The following UBE2W variants were observed in gnomAD, a reference collection of about 807,000 sequenced individuals.
The protein encoded by UBE2W is ubiquitin conjugating enzyme E2 W.
UBE2W carries 18 observed loss-of-function variants against 27.2 expected under a neutral mutation model. The observed-to-expected ratio is 0.66, with a 90% CI of 0.46 to 0.98. The LOEUF (loss-of-function observed/expected upper bound fraction) is 0.98. Ranked by LOEUF, UBE2W falls within the 50% of genes least tolerant of loss-of-function variation. The probability of loss-of-function intolerance (pLI) is 0.00; values close to 1 mark genes in which losing one functional copy is unlikely to be tolerated. For synonymous variants in UBE2W, 53 were observed against 57.2 expected, an observed-to-expected ratio of 0.93 and a Z score of 0.33; for missense variants, 90 against 180.2, an observed-to-expected ratio of 0.50 and a Z score of 2.87.
chr8:73,816,254 A>G (rs924371320), intron 3 of UBE2W, among the ~76,000 whole-genome samples: 4 of 152,220 alleles, frequency 2.6e-5, no homozygotes, highest in African/African-American at 9.6e-5. Flanking sequence ...CTACTAGTCT[A>G]ATCCTCTATC....
At chr8:73,868,335 G>A (rs1811863035) in intron 1 of UBE2W, among the ~76,000 whole-genome samples, 1 of 152,140 alleles carries the variant, frequency 6.6e-6, no homozygotes, top group African/African-American at 2.4e-5. Context: ...TAAGAACATA[G>A]CCACATACCC....
intron 3 of UBE2W, among the ~76,000 whole-genome samples, chr8:73,812,341 G>A (rs1323640501): frequency 6.6e-6 from 1 of 151,840 alleles, no homozygotes; most frequent in Non-Finnish European, 1.5e-5. Flanking sequence ...TAATGGCTAC[G>A]CTCTATGCAT....
At chr8:73,845,203 T>C (rs548605158) in intron 1 of UBE2W, among the ~76,000 whole-genome samples, 1 of 152,320 alleles carries the variant, frequency 6.6e-6, no homozygotes, top group South Asian at 2.1e-4. Flanking sequence ...CCACCCTGTC[T>C]GGGAGGTGTA....
chr8:73,867,003 CA>C (rs35890299), intron 1 of UBE2W, among the ~76,000 whole-genome samples: 397 of 120,858 alleles, frequency 3.3e-3, no homozygotes, highest in South Asian at 7.3e-3. Context: ...GGCTCCGTCC[CA>C]AAAAAAAAAA....
At chr8:73,856,291 T>C (rs952659411) in intron 1 of UBE2W, among the ~76,000 whole-genome samples, 3 of 147,230 alleles carry the variant, frequency 2.0e-5, no homozygotes, top group Non-Finnish European at 4.5e-5. Flanking sequence ...TGTAAACAAC[T>C]CCCCCCTCCC....
intron 1 of UBE2W, among the ~76,000 whole-genome samples, chr8:73,873,130 A>C (rs1812075860): frequency 6.6e-6 from 1 of 152,042 alleles, no homozygotes; most frequent in African/African-American, 2.4e-5. Context: ...GCTGGTCTCG[A>C]TCTCCTGACC....
chr8:73,810,754 C>T, intron 3 of UBE2W, 125 bp from the exon 4 acceptor site: 1 of 654,402 alleles, frequency 1.5e-6, no homozygotes, highest in Non-Finnish European at 2.3e-6. Context: ...GTGCCAGGAA[C>T]ATGATAAACA....
At chr8:73,794,622 C>T (rs1458807892) in intron 5 of UBE2W, among the ~76,000 whole-genome samples, 1 of 152,054 alleles carries the variant, frequency 6.6e-6, no homozygotes, top group African/African-American at 2.4e-5. Flanking sequence ...AGTTTTCAGG[C>T]CGGACACGGT....
chr8:73,822,238 T>TC (rs1250192887), intron 3 of UBE2W, among the ~76,000 whole-genome samples: 4 of 151,984 alleles, frequency 2.6e-5, no homozygotes, highest in African/African-American at 9.6e-5. Flanking sequence ...TCGGCCAACC[T>TC]CCCCAACAGC....
Position 73,823,327 on chromosome 8 carries a change from G to GA in UBE2W, c.210+1819dup, listed in dbSNP as rs561116845. On this transcript the variant is annotated intron_variant, in intron 3 of 5. Transcript: ENST00000602593. ...ATTTGATTTAGAATTAAATATTAAG[G>GA]AAAGAGTTTAGAGAACACATTTTTG... is the stretch of plus-strand genomic sequence containing the variant. 1.7e-4 allele frequency among the ~76,000 whole-genome samples: 26 copies of GA among 152,284 alleles called. No homozygotes were observed. In the South Asian group the frequency reaches 5.4e-3, roughly 32 times the overall value.
At chr8:73,822,200 A>G (rs924474331) in intron 3 of UBE2W, among the ~76,000 whole-genome samples, 2 of 152,198 alleles carry the variant, frequency 1.3e-5, no homozygotes, top group African/African-American at 2.4e-5. Context: ...CTACGTCCCA[A>G]TTCAGCGGGA....
intron 1 of UBE2W, among the ~76,000 whole-genome samples, chr8:73,873,477 G>T (rs1386958187): frequency 6.6e-6 from 1 of 151,958 alleles, no homozygotes; most frequent in Non-Finnish European, 1.5e-5. Flanking sequence ...GAGCAACAGG[G>T]AAAAAACCCA....
rs1185615756 is a variant in UBE2W at position 73,791,176 on chromosome 8, G to A, written c.*2926C>T. 2 of 978,966 alleles carry A rather than the reference G, an allele frequency of 2.0e-6. No homozygotes were observed. The highest frequency in any genetic ancestry group is 1.2e-6 in the Non-Finnish European group (1 of 827,358). 60.6% of individuals were successfully genotyped at this position (978,966 alleles called of 1,614,324 possible). On this transcript the variant is annotated 3_prime_UTR_variant, in exon 6 of 6. Transcript: ENST00000602593. ...AGAAGTGAATATTAATTCCTTAAGA[G>A]AACCATAAAATGTATTTTTAAAAAA... is the stretch of plus-strand genomic sequence containing the variant.
At chr8:73,875,915 T>G (rs184908295) in intron 1 of UBE2W, among the ~76,000 whole-genome samples, 1 of 151,844 alleles carries the variant, frequency 6.6e-6, no homozygotes, top group African/African-American at 2.4e-5. Flanking sequence ...TACCTGGGCG[T>G]GGTGGCCAGC....
In UBE2W at chr8:73,792,809, A is replaced by G; in HGVS notation, c.*1293T>C. 3 of 985,572 alleles carry G rather than the reference A, an allele frequency of 3.0e-6. No individual in the cohort carries two copies. Among genetic ancestry groups the G allele is most frequent in the Non-Finnish European group, 3.6e-6 (3 of 829,814 alleles). 61.1% of individuals were successfully genotyped at this position (985,572 alleles called of 1,614,324 possible). On this transcript the variant is annotated 3_prime_UTR_variant, in exon 6 of 6. Transcript: ENST00000602593. ...TCAACAATTTTTTTTTTCTATAGAA[A>G]GTTTCATCTAGCTGTAAGCAAAGTC...
At chr8:73,873,599 T>C (rs926439590) in intron 1 of UBE2W, among the ~76,000 whole-genome samples, 6 of 152,158 alleles carry the variant, frequency 3.9e-5, no homozygotes, top group Non-Finnish European at 7.4e-5. Context: ...AAGGGTGCAG[T>C]GAGCCAAGAC....
chr8:73,795,184 G>C (rs985788669), intron 5 of UBE2W, among the ~76,000 whole-genome samples: 1 of 136,150 alleles, frequency 7.3e-6, no homozygotes, highest in East Asian at 2.2e-4. Context: ...GACTGATATG[G>C]TTTGGATATC....
intron 5 of UBE2W, among the ~76,000 whole-genome samples, chr8:73,799,402 C>T (rs1005467176): frequency 2.0e-5 from 3 of 152,110 alleles, no homozygotes; most frequent in Non-Finnish European, 4.4e-5. Context: ...AGTGCTCTAA[C>T]CCCTGAGCTA....
At chr8:73,802,114 A>G (rs1438437896) in intron 5 of UBE2W, among the ~76,000 whole-genome samples, 1 of 152,234 alleles carries the variant, frequency 6.6e-6, no homozygotes, top group Non-Finnish European at 1.5e-5. Flanking sequence ...TTTTTAGGAC[A>G]GATTCTCTGA....
Sources: gnomAD v4.1 joint callset for allele counts (sites outside exome capture counted in the v4.1 genomes callset) on GRCh38, gnomAD v4.1.1 for gene constraint, MANE v1.5 for transcripts, NCBI Gene and HGNC (gene_info 2026-07-23, HGNC 2026-07-21) for gene names.